PLEKHF2: variants seen among roughly 807,000 people sequenced by gnomAD.
PLEKHF2 encodes pleckstrin homology and FYVE domain containing 2, also known as pleckstrin homology domain-containing family F member 2.
PLEKHF2 carries 4 observed loss-of-function variants against 14.7 expected under a neutral mutation model. That is an observed-to-expected ratio of 0.27 (90% CI 0.13 to 0.62). PLEKHF2 has a LOEUF of 0.62. Ranked by LOEUF, PLEKHF2 falls within the 20% of genes least tolerant of loss-of-function variation. The probability of loss-of-function intolerance (pLI) is 0.85; values close to 1 mark genes in which losing one functional copy is unlikely to be tolerated. For missense variants in PLEKHF2, 201 were observed against 307.7 expected (o/e 0.65, Z 2.60); for synonymous variants, 90 against 103.5 (o/e 0.87, Z 0.79).
chr8:95,149,785 C>T (rs1464560713), intron 1 of PLEKHF2, among the ~76,000 whole-genome samples: 1 of 152,116 alleles, frequency 6.6e-6, no homozygotes, highest in Admixed American at 6.6e-5. Context: ...GTATTCTTTC[C>T]CAAGAAAAGT....
At chr8:95,143,395 G>A (rs1330054813) in intron 1 of PLEKHF2, among the ~76,000 whole-genome samples, 3 of 152,156 alleles carry the variant, frequency 2.0e-5, no homozygotes, top group Admixed American at 2.0e-4. Flanking sequence ...CACCGCGCCC[G>A]GCCTGGAAAT....
At chr8:95,148,607 T>G (rs1370681728) in intron 1 of PLEKHF2, among the ~76,000 whole-genome samples, 1 of 152,100 alleles carries the variant, frequency 6.6e-6, no homozygotes, top group African/African-American at 2.4e-5. Context: ...ACAGCATTAA[T>G]GCAAGCTACC....
intron 1 of PLEKHF2, among the ~76,000 whole-genome samples, chr8:95,141,043 T>C (rs2132105916): frequency 6.6e-6 from 1 of 152,336 alleles, no homozygotes; most frequent in Non-Finnish European, 1.5e-5. Context: ...GCTGTCTTTC[T>C]CTTCCTCAGA....
At chr8:95,150,783 A>G (rs1209142556) in intron 1 of PLEKHF2, among the ~76,000 whole-genome samples, 1 of 152,158 alleles carries the variant, frequency 6.6e-6, no homozygotes, top group African/African-American at 2.4e-5. Flanking sequence ...AGGTTAGTTA[A>G]TAGCTTCCTT....
intron 1 of PLEKHF2, among the ~76,000 whole-genome samples, chr8:95,153,428 G>C (rs1326793382): frequency 1.3e-5 from 2 of 152,122 alleles, no homozygotes; most frequent in Non-Finnish European, 2.9e-5. Flanking sequence ...GTAATGAAAG[G>C]CCGTGAACAC....
At chr8:95,151,960 G>A (rs928265826) in intron 1 of PLEKHF2, among the ~76,000 whole-genome samples, 1 of 152,002 alleles carries the variant, frequency 6.6e-6, no homozygotes, top group Non-Finnish European at 1.5e-5. Flanking sequence ...TGAGTCTAAA[G>A]ATAAACATTT....
chr8:95,138,041 C>G (rs1810394934), intron 1 of PLEKHF2, among the ~76,000 whole-genome samples: 1 of 152,132 alleles, frequency 6.6e-6, no homozygotes, highest in Non-Finnish European at 1.5e-5. Context: ...ACCACATAGT[C>G]CCTCCTCTCC....
chr8:95,144,665 A>G (rs113093031), intron 1 of PLEKHF2, among the ~76,000 whole-genome samples: 12,213 of 152,104 alleles, frequency 0.08, 667 homozygotes, highest in African/African-American at 0.14. Flanking sequence ...TCAGGAGTTC[A>G]AGACCAGCCT....
chr8:95,153,442 G>A (rs935670741), intron 1 of PLEKHF2, among the ~76,000 whole-genome samples: 7 of 152,122 alleles, frequency 4.6e-5, no homozygotes, highest in Non-Finnish European at 8.8e-5. Flanking sequence ...TGAACACCCT[G>A]TATTTAATAG....
At chr8:95,135,385 C>CT (rs1366242924) in intron 1 of PLEKHF2, among the ~76,000 whole-genome samples, 2 of 151,956 alleles carry the variant, frequency 1.3e-5, no homozygotes, top group African/African-American at 2.4e-5. Context: ...TTTCTTTTTC[C>CT]TTTTTTCTCT....
chr8:95,149,634 G>A (rs1363992125), intron 1 of PLEKHF2, among the ~76,000 whole-genome samples: 3 of 152,104 alleles, frequency 2.0e-5, no homozygotes, highest in Non-Finnish European at 2.9e-5. Context: ...CTTCCAGAAT[G>A]GAAATTTTGT....
chr8:95,136,939 C>T (rs1451710), intron 1 of PLEKHF2, among the ~76,000 whole-genome samples: 2,842 of 152,270 alleles, frequency 0.019, 83 homozygotes, highest in African/African-American at 0.062. Context: ...TTCCTGCCCC[C>T]ACCCAAGATA....
intron 1 of PLEKHF2, among the ~76,000 whole-genome samples, chr8:95,139,295 G>T (rs1810414006): frequency 1.3e-5 from 2 of 152,152 alleles, no homozygotes; most frequent in Admixed American, 1.3e-4. Flanking sequence ...GATTGCTCGA[G>T]TCCAGGAGTT....
In PLEKHF2 at chr8:95,154,362, T is replaced by C; in HGVS notation, c.318T>C (p.Thr106=). 1 of 1,614,066 alleles carries C rather than the reference T, an allele frequency of 6.2e-7. No homozygotes were observed. The highest frequency in any genetic ancestry group is 8.5e-7 in the Non-Finnish European group (1 of 1,179,942). Residue 106 remains threonine (T), a synonymous_variant, in exon 2 of 2, where the codon ACT becomes ACC. Coordinates refer to ENST00000315367, the MANE Select transcript of PLEKHF2 (RefSeq NM_024613.4). This position sits in a 1 kb window ranked among gnomAD's most constrained non-coding sequence, Gnocchi z 5.6. ...LRNGWLIKTP[T]KSFAVYAATA... is the part of the protein sequence containing the mutation. Reference sequence around the variant, plus strand: ...ATGGATGGCTAATCAAGACACCAACTAAATCTTTTGCAGTTTATGCTGCCA... The same window carrying C: ...ATGGATGGCTAATCAAGACACCAACCAAATCTTTTGCAGTTTATGCTGCCA...
intron 1 of PLEKHF2, among the ~76,000 whole-genome samples, chr8:95,139,338 G>A (rs560487764): frequency 3.1e-4 from 47 of 152,150 alleles, no homozygotes; most frequent in African/African-American, 9.2e-4. Flanking sequence ...GCAAAACCCC[G>A]TCTCTACAAA....
chr8:95,143,616 GA>G (rs2132107173), intron 1 of PLEKHF2, among the ~76,000 whole-genome samples: 1 of 152,290 alleles, frequency 6.6e-6, no homozygotes, highest in South Asian at 2.1e-4. Flanking sequence ...AGTAAATAGA[GA>G]AGAACAAAGG....
intron 1 of PLEKHF2, among the ~76,000 whole-genome samples, chr8:95,139,625 C>G (rs552892163): frequency 6.6e-6 from 1 of 152,242 alleles, no homozygotes; most frequent in South Asian, 2.1e-4. Flanking sequence ...TTTTGTGATA[C>G]ATTTAACTAT....
chr8:95,153,663 C>G (rs1005497114), intron 1 of PLEKHF2, among the ~76,000 whole-genome samples: 3 of 152,056 alleles, frequency 2.0e-5, no homozygotes, highest in Non-Finnish European at 4.4e-5. Context: ...ACATTTTGTT[C>G]CCTATTGTTC....
At chr8:95,135,370 G>T (rs1017775840) in intron 1 of PLEKHF2, among the ~76,000 whole-genome samples, 15 of 152,134 alleles carry the variant, frequency 9.9e-5, no homozygotes, top group Non-Finnish European at 1.9e-4. Flanking sequence ...ATATTTGATT[G>T]TCAATTTCTT....
Sources: allele counts gnomAD v4.1 joint callset (sites outside exome capture counted in the v4.1 genomes callset), GRCh38; gene constraint gnomAD v4.1.1; non-coding constraint Gnocchi (gnomAD v3.1); transcripts MANE v1.5; gene names NCBI Gene and HGNC (gene_info 2026-07-23, HGNC 2026-07-21).